Variants in TRIO observed in about 807,000 individuals in gnomAD.
TRIO encodes triple functional domain protein.
TRIO carries 58 observed loss-of-function variants against 351.9 expected under a neutral mutation model. That is an observed-to-expected ratio of 0.16 (90% CI 0.13 to 0.21). TRIO has a LOEUF of 0.21. TRIO is among the 10% of genes least tolerant of loss of function. The pLI is 1.00. For synonymous variants in TRIO, 1,758 were observed against 1,595.7 expected (o/e 1.10, Z -2.42); for missense variants, 3,201 against 4,027.8 (o/e 0.79, Z 5.56).
At chr5:14,309,907 G>A (rs1014496037) in intron 8 of TRIO, among the ~76,000 whole-genome samples, 4 of 151,778 alleles carry the variant, frequency 2.6e-5, no homozygotes, top group Admixed American at 6.6e-5. Context: ...CTTTGAACAG[G>A]GTTTATAGTT....
intron 1 of TRIO, among the ~76,000 whole-genome samples, chr5:14,228,683 C>T (rs1434777938): frequency 1.3e-5 from 2 of 152,056 alleles, no homozygotes; most frequent in African/African-American, 2.4e-5. Flanking sequence ...GCTTTATCAC[C>T]ACTTGTACTT....
chr5:14,508,528 C>G lies in TRIO; in HGVS notation c.*106C>G. 5 of 1,385,588 alleles carry G rather than the reference C, an allele frequency of 3.6e-6. No homozygotes were observed. Among genetic ancestry groups the G allele is most frequent in the Non-Finnish European group, 4.9e-6 (5 of 1,019,678 alleles). The allele number at this position is 1,385,588 out of a possible 1,614,324, so 85.8% of individuals were successfully genotyped here. A position where few individuals can be genotyped will look rare whatever the true frequency, so the allele number is the denominator to read the frequency against. On this transcript the variant is annotated 3_prime_UTR_variant, in exon 57 of 57. Coordinates refer to ENST00000344204, the MANE Select transcript of TRIO (RefSeq NM_007118.4). ...ATAACTGATCAGCTGCCGGTATGTTCATCGTGTGAAATTGCATTCCAAGTG... is the reference window on the plus strand; with the variant it reads ...ATAACTGATCAGCTGCCGGTATGTTGATCGTGTGAAATTGCATTCCAAGTG...
At chr5:14,216,382 A>G (rs1318839893) in intron 1 of TRIO, among the ~76,000 whole-genome samples, 1 of 152,198 alleles carries the variant, frequency 6.6e-6, no homozygotes, top group African/African-American at 2.4e-5. Flanking sequence ...CTGCCCATTT[A>G]TGTATACACC....
Position 14,231,818 on chromosome 5 carries a change from C to T in TRIO, c.158-39007C>T, listed in dbSNP as rs1222213829. Among the ~76,000 whole-genome samples, 3 of 149,300 alleles carry T rather than the reference C, an allele frequency of 2.0e-5. No homozygotes were observed. In the South Asian group the frequency reaches 6.4e-4, roughly 32 times the overall value. On this transcript the variant is annotated intron_variant, in intron 1 of 56. Coordinates refer to ENST00000344204, the MANE Select transcript of TRIO (RefSeq NM_007118.4). ...GATTTCTTGTATTTCCTTGGAGAGTCTTACATAGGCATAAGCCAGTGACTG... is the reference window on the plus strand; with the variant it reads ...GATTTCTTGTATTTCCTTGGAGAGTTTTACATAGGCATAAGCCAGTGACTG...
At chr5:14,288,390 C>T (rs963569629) in intron 4 of TRIO, among the ~76,000 whole-genome samples, 1 of 152,128 alleles carries the variant, frequency 6.6e-6, no homozygotes, top group Non-Finnish European at 1.5e-5. Flanking sequence ...CCAGCAGGAC[C>T]GGGTGTGGTG....
chr5:14,475,050 C>T (rs1376932594), intron 40 of TRIO, among the ~76,000 whole-genome samples: 1 of 152,190 alleles, frequency 6.6e-6, no homozygotes, highest in Non-Finnish European at 1.5e-5. Flanking sequence ...TTCCCCACAC[C>T]TATCCTAATC....
chr5:14,406,768 A>G, intron 33 of TRIO, 96 bp downstream of exon 33: 1 of 1,295,894 alleles, frequency 7.7e-7, no homozygotes, highest in Non-Finnish European at 1.1e-6. Flanking sequence ...TTTGTCATCA[A>G]CATTTTCAAG....
chr5:14,202,119 TA>T (rs977159702), intron 1 of TRIO, among the ~76,000 whole-genome samples: 195 of 142,272 alleles, frequency 1.4e-3, no homozygotes, highest in Admixed American at 1.5e-3. Context: ...AGGTATAATT[TA>T]AAAAAAAAAA....
At chr5:14,316,004 A>G (rs1581601285) in intron 8 of TRIO, among the ~76,000 whole-genome samples, 1 of 152,254 alleles carries the variant, frequency 6.6e-6, no homozygotes, top group Non-Finnish European at 1.5e-5. Context: ...TTAAGTACAT[A>G]TTCTATGCCT....
Position 14,326,619 on chromosome 5 carries a change from A to T in TRIO, c.1732-4159A>T, listed in dbSNP as rs139250228. On this transcript the variant is annotated intron_variant, in intron 9 of 56. Transcript: ENST00000344204. Reference sequence around the variant, plus strand: ...TTTTGTGTTTTTCATCTGGAAGGGAAGCAGCAAGCCCCAGGCCAGCCTTAT... The same window carrying T: ...TTTTGTGTTTTTCATCTGGAAGGGATGCAGCAAGCCCCAGGCCAGCCTTAT... Among the ~76,000 whole-genome samples the T allele has an allele frequency of 1.8e-3, 277 of 152,330 alleles. 1 individual carries two copies. Among genetic ancestry groups the T allele is most frequent in the Middle Eastern group, 3.4e-3 (1 of 294 alleles).
chr5:14,411,835 G>C (rs1221029919), intron 33 of TRIO, among the ~76,000 whole-genome samples: 2 of 151,734 alleles, frequency 1.3e-5, no homozygotes, highest in African/African-American at 4.8e-5. Context: ...TCAAACTCCT[G>C]ACCTCAAGCA....
intron 1 of TRIO, among the ~76,000 whole-genome samples, chr5:14,265,592 G>A (rs147639861): frequency 1.1e-4 from 16 of 152,248 alleles, no homozygotes; most frequent in African/African-American, 3.6e-4. Context: ...AGAGGGGCTT[G>A]TTGTTCCTGG....
At position 14,498,667 on chromosome 5, in the gene TRIO, CGTGACCCAG is replaced by C. The variant is rs1223942351; in HGVS notation, c.8332+28_8332+36del. 5 of 1,605,092 alleles carry C rather than the reference CGTGACCCAG, an allele frequency of 3.1e-6. No homozygotes were observed. The African/African-American group carries it at 5.3e-5, about 17-fold the overall frequency. On this transcript the variant is annotated intron_variant, in intron 53 of 56. Transcript: ENST00000344204. ...TAAGCACCGTGCAACGAGGATTCTACGTGACCCAGTGGGGCACGTCTTTCAGGAGTCTCC... is the reference window on the plus strand; with the variant it reads ...TAAGCACCGTGCAACGAGGATTCTACTGGGGCACGTCTTTCAGGAGTCTCC...
chr5:14,478,508 TG>T (rs1755261454), intron 41 of TRIO, among the ~76,000 whole-genome samples: 1 of 152,184 alleles, frequency 6.6e-6, no homozygotes, highest in Non-Finnish European at 1.5e-5. Context: ...TGAGGATCAC[TG>T]ATTTATGGAA....
intron 2 of TRIO, among the ~76,000 whole-genome samples, chr5:14,277,400 G>A (rs1253618444): frequency 6.6e-6 from 1 of 152,226 alleles, no homozygotes; most frequent in Non-Finnish European, 1.5e-5. Flanking sequence ...TCAATGAGCT[G>A]TTGTTTGGTT....
Position 14,479,358 on chromosome 5 carries a change from C to CCTT in TRIO, c.6243+8_6243+9insCTT. On this transcript the variant is annotated intron_variant, in intron 42 of 56. Coordinates refer to ENST00000344204, the MANE Select transcript of TRIO (RefSeq NM_007118.4). ...ATTGATACCTTTTTTGAGGTAAGAC[C>CCTT]TAAGATACAAACAGAAAGTATTTCT... is the stretch of plus-strand genomic sequence containing the variant. 6.3e-7 allele frequency: 1 copy of CCTT among 1,595,050 alleles called. No homozygotes were observed. The highest frequency in any genetic ancestry group is 8.6e-7 in the Non-Finnish European group (1 of 1,166,958).
chr5:14,424,751 G>A (rs185889999), intron 34 of TRIO, among the ~76,000 whole-genome samples: 43 of 152,194 alleles, frequency 2.8e-4, no homozygotes, highest in African/African-American at 1.0e-3. Flanking sequence ...AATCAAATGG[G>A]GCATTTTTTT....
intron 34 of TRIO, among the ~76,000 whole-genome samples, chr5:14,442,969 A>G (rs1035545017): frequency 6.6e-6 from 1 of 152,142 alleles, no homozygotes; most frequent in Non-Finnish European, 1.5e-5. Context: ...TTAATGAACA[A>G]TTTTTCTAAA....
intron 7 of TRIO, 147 bp downstream of exon 7, chr5:14,297,410 T>C: frequency 1.0e-6 from 1 of 953,746 alleles, no homozygotes; most frequent in Non-Finnish European, 1.5e-6. Context: ...TGAGTTTAAA[T>C]TCCAGCTCTT....
Sources: allele counts gnomAD v4.1 joint callset (sites outside exome capture counted in the v4.1 genomes callset), GRCh38; gene constraint gnomAD v4.1.1; transcripts MANE v1.5; gene names NCBI Gene and HGNC (gene_info 2026-07-23, HGNC 2026-07-21).